The following ZNF273 variants were observed in gnomAD, a reference collection of about 807,000 sequenced individuals.
The protein encoded by ZNF273 is zinc finger protein 273.
ZNF273 carries 11 observed loss-of-function variants against 14.9 expected under a neutral mutation model. The observed-to-expected ratio is 0.74, with a 90% CI of 0.46 to 1.22. The LOEUF is 1.22. ZNF273 is among the 50% of genes most tolerant of loss of function. The probability of loss-of-function intolerance (pLI) is 0.00; values close to 1 mark genes in which losing one functional copy is unlikely to be tolerated. For synonymous variants in ZNF273, 199 were observed against 223.9 expected, an observed-to-expected ratio of 0.89 and a Z score of 0.99; for missense variants, 577 against 660.6, an observed-to-expected ratio of 0.87 and a Z score of 1.39.
At position 64,928,775 on chromosome 7, in the gene ZNF273, G is replaced by A; in HGVS notation, c.1447G>A (p.Glu483Lys). ...TGAACATAAGAGAGTTCATACTGGA[G>A]AGAAACCTTACAAATGCAATGAATG... ...LTEHKRVHTG[E>K]KPYKCNECGK... Residue 483 changes from glutamate to lysine, a missense_variant, in exon 4 of 4, where the codon GAG (glutamate) becomes AAG (lysine). Transcript: ENST00000476120. 6.2e-7 allele frequency: 1 copy of A among 1,613,476 alleles called. No individual in the cohort carries two copies. The highest frequency in any genetic ancestry group is 1.1e-5 in the South Asian group (1 of 91,054).
intron 1 of ZNF273, among the ~76,000 whole-genome samples, chr7:64,916,865 T>C (rs1487192531): frequency 6.6e-6 from 1 of 151,296 alleles, no homozygotes; most frequent in East Asian, 1.9e-4. Context: ...GACAGATTTA[T>C]TTTTCTTACT....
downstream of ZNF273, chr7:64,893,662 C>T (rs1289160559): frequency 7.3e-6 from 1 of 136,800 alleles, no homozygotes; most frequent in Admixed American, 7.4e-5. Flanking sequence ...TTTCCTCCCT[C>T]CCGTCCCCCT....
Position 64,930,407 on chromosome 7 carries a change from GAA to G in ZNF273, c.*1373_*1374del, listed in dbSNP as rs1003310510. Reference sequence around the variant, plus strand: ...TCAGAGTAATATTCTGCATTATAGTGAAAAATTTTTAATATTAAAATTCAATT... The same window carrying G: ...TCAGAGTAATATTCTGCATTATAGTGAAATTTTTAATATTAAAATTCAATT... On this transcript the variant is annotated 3_prime_UTR_variant, in exon 4 of 4. Coordinates refer to ENST00000476120, the MANE Select transcript of ZNF273 (RefSeq NM_021148.3). 2 of 152,006 alleles carry G rather than the reference GAA, an allele frequency of 1.3e-5. No individual in the cohort carries two copies. The highest frequency in any genetic ancestry group is 4.8e-5 in the African/African-American group (2 of 41,398). The allele number at this position is 152,006 out of a possible 1,614,324, so 9.4% of individuals were successfully genotyped here. A position where few individuals can be genotyped will look rare whatever the true frequency, so the allele number is the denominator to read the frequency against.
chr7:64,898,696 A>C (rs1792508085), upstream of ZNF273, among the ~76,000 whole-genome samples: 1 of 152,238 alleles, frequency 6.6e-6, no homozygotes, highest in Non-Finnish European at 1.5e-5. Context: ...TGAACACAGC[A>C]TTCTCAGTTT....
downstream of ZNF273, among the ~76,000 whole-genome samples, chr7:64,881,745 C>A (rs1254597222): frequency 6.6e-6 from 1 of 152,108 alleles, no homozygotes; most frequent in Non-Finnish European, 1.5e-5. Context: ...TTTGTGGGGG[C>A]TGGGGTTGTT....
downstream of ZNF273, among the ~76,000 whole-genome samples, chr7:64,880,643 C>T (rs924059279): frequency 1.3e-5 from 2 of 152,002 alleles, no homozygotes. Context: ...TGCGGGGCTC[C>T]GTGTCCTTTA....
chr7:64,927,674 C>T lies in ZNF273; in HGVS notation c.346C>T (p.Gln116Ter). Reference protein sequence around the residue: ...KPPVVCSHFAQDLWPKQGLKD... With the variant: ...KPPVVCSHFA ...TTCAGTTGTGTGTTCTCATTTTGCC[C>T]AAGACCTTTGGCCAAAGCAGGGCTT... The change falls in exon 4 of 4, where the codon CAA becomes TAA. Residue 116 changes from glutamine (Q) to a stop codon, truncating the protein, a stop_gained. Transcript: ENST00000476120. LOFTEE classifies it low-confidence loss of function (END_TRUNC). 1 of 1,575,672 alleles carries T rather than the reference C, an allele frequency of 6.3e-7. No homozygotes were observed.
intron 1 of ZNF273, among the ~76,000 whole-genome samples, chr7:64,886,204 T>C (rs151131037): frequency 1.3e-5 from 2 of 152,338 alleles, no homozygotes; most frequent in East Asian, 3.9e-4. Flanking sequence ...CAGCACACAG[T>C]AGGCTCTGAA....
chr7:64,919,730 T>G (rs2129086884), intron 3 of ZNF273, among the ~76,000 whole-genome samples: 1 of 152,306 alleles, frequency 6.6e-6, no homozygotes, highest in African/African-American at 2.4e-5. Context: ...TACCAGATAG[T>G]TTAAGTGTAT....
At position 64,928,070 on chromosome 7, in the gene ZNF273, A is replaced by T. The variant is rs141427676; in HGVS notation, c.742A>T (p.Asn248Tyr). The T allele has an allele frequency of 3.2e-3, 5,109 of 1,613,666 alleles. 27 individuals are homozygous for T. The highest frequency in any genetic ancestry group is 2.7e-3 in the Non-Finnish European group (3,153 of 1,179,686). ...TGGAAAAGCCTTTAACCAGTTCTCA[A>T]ATCTTACTAAACATAAGATAATTCA... The part of the protein sequence containing the change: ...TCGKAFNQFS[N>Y]LTKHKIIHPE... The change falls in exon 4 of 4, where the codon AAT (asparagine) becomes TAT (tyrosine). Residue 248 changes from asparagine (N) to tyrosine (Y), a missense_variant. Physicochemically the swap from Asn to Tyr is moderately radical, Grantham distance 143. Transcript: ENST00000476120.
intron 1 of ZNF273, among the ~76,000 whole-genome samples, chr7:64,878,070 C>T (rs1791162162): frequency 6.6e-6 from 1 of 152,062 alleles, no homozygotes; most frequent in Non-Finnish European, 1.5e-5. Context: ...GCGGCGTCTG[C>T]TGAAAGGATG....
chr7:64,909,354 A>G (rs1417414750), intron 1 of ZNF273, among the ~76,000 whole-genome samples: 1 of 151,530 alleles, frequency 6.6e-6, no homozygotes, highest in East Asian at 1.9e-4. Context: ...CCTCCCAAGC[A>G]GCTGGGATTA....
chr7:64,881,621 G>A (rs1404345658), downstream of ZNF273, among the ~76,000 whole-genome samples: 3 of 152,160 alleles, frequency 2.0e-5, no homozygotes, highest in Non-Finnish European at 4.4e-5. Context: ...CTTGTGGGGG[G>A]GCTGTTGCTG....
At chr7:64,910,327 T>G (rs1278671320) in intron 1 of ZNF273, among the ~76,000 whole-genome samples, 1 of 152,206 alleles carries the variant, frequency 6.6e-6, no homozygotes, top group Non-Finnish European at 1.5e-5. Flanking sequence ...TTTAAGTCTT[T>G]AATTTATCTT....
chr7:64,878,064 C>T (rs2129025942), intron 1 of ZNF273, among the ~76,000 whole-genome samples: 1 of 152,086 alleles, frequency 6.6e-6, no homozygotes, highest in Middle Eastern at 3.4e-3. Flanking sequence ...GTTTAAGCGG[C>T]GTCTGCTGAA....
downstream of ZNF273, chr7:64,882,772 C>G (rs1791308074): frequency 6.6e-6 from 1 of 152,348 alleles, no homozygotes; most frequent in South Asian, 2.1e-4. Context: ...TCAGGCCTGC[C>G]TAGACGGAGT....
At chr7:64,889,871 C>G, downstream of ZNF273, 1 of 651,200 alleles carries the variant, frequency 1.5e-6, no homozygotes, top group Non-Finnish European at 1.9e-6. The surrounding 1 kb of genome is among the most constrained non-coding windows in gnomAD (Gnocchi z 4.2). Context: ...GCCTCTATGT[C>G]GGCTTCTTTT....
intron 1 of ZNF273, among the ~76,000 whole-genome samples, chr7:64,885,812 TGG>T (rs1296792389): frequency 6.6e-6 from 1 of 152,102 alleles, no homozygotes; most frequent in Non-Finnish European, 1.5e-5. Flanking sequence ...AGACATCAAC[TGG>T]GAGGGAGTGG....
At chr7:64,880,953 G>A (rs1791235396), downstream of ZNF273, among the ~76,000 whole-genome samples, 1 of 152,216 alleles carries the variant, frequency 6.6e-6, no homozygotes, top group African/African-American at 2.4e-5. Context: ...CGGGGACGGA[G>A]AGTGTGAGCT....
Sources: gnomAD v4.1 joint callset for allele counts (sites outside exome capture counted in the v4.1 genomes callset) on GRCh38, gnomAD v4.1.1 for gene constraint, Gnocchi (gnomAD v3.1) non-coding constraint, MANE v1.5 for transcripts, NCBI Gene and HGNC (gene_info 2026-07-23, HGNC 2026-07-21) for gene names.